The following KY variants were observed in gnomAD, a reference collection of about 807,000 sequenced individuals.
KY encodes kyphoscoliosis peptidase.
KY carries 43 observed loss-of-function variants against 76.1 expected under a neutral mutation model. The ratio of observed to expected loss-of-function variants is 0.57; its 90% CI spans 0.44 to 0.73. The LOEUF (loss-of-function observed/expected upper bound fraction) is 0.73. Ranked by LOEUF, KY falls within the 30% of genes least tolerant of loss-of-function variation. The pLI, the probability that KY is intolerant of heterozygous loss-of-function variation, is 0.00. For missense variants in KY, 722 were observed against 828.9 expected (o/e 0.87, Z 1.58); for synonymous variants, 277 against 326.2 (o/e 0.85, Z 1.63).
Position 134,632,994 on chromosome 3 carries a change from A to T in KY, c.263-3299T>A, listed in dbSNP as rs140458552. ...GGAATGCTACAAAACTTCTGTGCAC[A>T]TAAATTCTACAACTTAGATGAAATG... On this transcript the variant is annotated intron_variant, in intron 3 of 10. Coordinates refer to ENST00000423778, the MANE Select transcript of KY (RefSeq NM_178554.6). Among the ~76,000 whole-genome samples, 44 of 152,160 alleles carry T rather than the reference A, an allele frequency of 2.9e-4. 1 individual carries two copies. The highest frequency in any genetic ancestry group is 1.0e-3 in the African/African-American group (43 of 41,570).
chr3:134,626,684 C>T (rs1963497449), intron 5 of KY, among the ~76,000 whole-genome samples: 2 of 152,200 alleles, frequency 1.3e-5, no homozygotes, highest in South Asian at 4.1e-4. Flanking sequence ...CTGGCTCCAG[C>T]CCCTTCATGA....
At chr3:134,643,172 A>G in intron 3 of KY, 144 bp downstream of exon 3, 1 of 666,530 alleles carries the variant, frequency 1.5e-6, no homozygotes, top group Admixed American at 2.9e-5. Context: ...CAGGGAGAGG[A>G]AAAGGGTTTT....
chr3:134,647,765 TTTCCAC>T lies in KY; in HGVS notation c.137-274_137-269del, dbSNP rs150372153. 8.3e-3 allele frequency among the ~76,000 whole-genome samples: 1,266 copies of T among 152,322 alleles called. 17 individuals are homozygous for T. The highest frequency in any genetic ancestry group is 0.029 in the African/African-American group (1,206 of 41,566). ...GAATTTTTGTAGTACAGATGCCCAT[TTTCCAC>T]TTCCACCTCTCCACTGCATACATAT... On this transcript the variant is annotated intron_variant, in intron 1 of 10. Coordinates refer to ENST00000423778, the MANE Select transcript of KY (RefSeq NM_178554.6).
intron 3 of KY, among the ~76,000 whole-genome samples, chr3:134,637,892 A>G (rs1266311335): frequency 1.3e-5 from 2 of 152,342 alleles, no homozygotes. Flanking sequence ...AGGTGGGCTC[A>G]TGTTCGGAGC....
intron 3 of KY, among the ~76,000 whole-genome samples, chr3:134,634,230 G>T (rs925213129): frequency 6.6e-6 from 1 of 152,054 alleles, no homozygotes; most frequent in Non-Finnish European, 1.5e-5. Context: ...CAAACATTTT[G>T]GGGGAATTGT....
At chr3:134,629,824 G>T in intron 3 of KY, 129 bp from the exon 4 acceptor site, 1 of 635,700 alleles carries the variant, frequency 1.6e-6, no homozygotes, top group South Asian at 1.9e-5. Context: ...AATCATCCTT[G>T]TTTTTTTCTT....
intron 3 of KY, among the ~76,000 whole-genome samples, chr3:134,640,900 C>A (rs561899477): frequency 6.6e-6 from 1 of 152,176 alleles, no homozygotes; most frequent in Non-Finnish European, 1.5e-5. Flanking sequence ...TTATTCTCTA[C>A]GCATTGGATG....
At position 134,629,660 on chromosome 3, in the gene KY, C is replaced by T. The variant is rs780061863; in HGVS notation, c.298G>A (p.Ala100Thr). ...AACTTCTTGAGCAGCTGGGGCATGG[C>T]ATCTCGAGGGTGGACTTCCACAGTC... ...QLTVEVHPRD[A>T]MPQLLKKFSL... Residue 100 changes from alanine to threonine, a missense_variant, in exon 4 of 11, where the codon GCC becomes ACC. Around this residue, in one of 2 missense-constraint regions of KY, gnomAD observed 170 missense variants for 148.1 expected, o/e 1.15. Transcript: ENST00000423778. The T allele has an allele frequency of 2.5e-6, 4 of 1,600,784 alleles. No homozygotes were observed. The highest frequency in any genetic ancestry group is 2.2e-5 in the East Asian group (1 of 44,492).
intron 3 of KY, among the ~76,000 whole-genome samples, chr3:134,633,516 T>A (rs1275666798): frequency 6.6e-6 from 1 of 152,106 alleles, no homozygotes. Flanking sequence ...GGATCACACC[T>A]ATTGGTGTAG....
chr3:134,622,545 G>A (rs1419456272), intron 6 of KY, among the ~76,000 whole-genome samples: 1 of 152,176 alleles, frequency 6.6e-6, no homozygotes, highest in Non-Finnish European at 1.5e-5. Context: ...GAGATTACCA[G>A]GGGCTGGGGG....
intron 2 of KY, among the ~76,000 whole-genome samples, chr3:134,646,203 G>A (rs1560146476): frequency 1.3e-5 from 2 of 152,172 alleles, no homozygotes; most frequent in Admixed American, 6.5e-5. Context: ...AGTTTTGTTA[G>A]CTTTGGCGTC....
chr3:134,604,899 G>C (rs550683544), intron 10 of KY, among the ~76,000 whole-genome samples: 14 of 152,266 alleles, frequency 9.2e-5, no homozygotes, highest in African/African-American at 3.4e-4. Context: ...TGTAGCATCT[G>C]TCTAAGTGTC....
intron 3 of KY, among the ~76,000 whole-genome samples, chr3:134,632,486 T>G (rs568291056): frequency 6.6e-6 from 1 of 151,930 alleles, no homozygotes; most frequent in Admixed American, 6.6e-5. Flanking sequence ...TATTAAAAAT[T>G]AACATACTTT....
At position 134,650,822 on chromosome 3, in the gene KY, T is replaced by C; in HGVS notation, c.136+3A>G. The C allele has an allele frequency of 6.3e-7, 1 of 1,581,890 alleles. No homozygotes were observed. The highest frequency in any genetic ancestry group is 8.6e-7 in the Non-Finnish European group (1 of 1,161,972). On this transcript the variant is annotated splice_donor_region_variant and intron_variant, in intron 1 of 10. Transcript: ENST00000423778. ...CCGGGGACCCGGGTCGGGCGCGCGT[T>C]ACCTCCTCCGCGCTGCAGCAGCGAG...
intron 3 of KY, among the ~76,000 whole-genome samples, chr3:134,639,063 C>CTTTT (rs1965370964): frequency 8.2e-6 from 1 of 121,322 alleles, no homozygotes. Flanking sequence ...TTTTTTTCTA[C>CTTTT]TTTGGAGTTT....
intron 3 of KY, among the ~76,000 whole-genome samples, chr3:134,641,706 AC>A (rs1965785638): frequency 6.6e-6 from 1 of 152,136 alleles, no homozygotes; most frequent in Non-Finnish European, 1.5e-5. Context: ...AAATGAATAT[AC>A]AACCCCGCAC....
intron 3 of KY, among the ~76,000 whole-genome samples, chr3:134,637,174 A>C (rs887814158): frequency 1.3e-5 from 2 of 152,248 alleles, no homozygotes; most frequent in East Asian, 1.9e-4. Flanking sequence ...TGTTGAGAGA[A>C]AATCAGCCTT....
At position 134,603,692 on chromosome 3, in the gene KY, A is replaced by AGTAGCCCTCGTGGTTCAGG. The variant is rs1177589834; in HGVS notation, c.1854_1872dup (p.Trp625ProfsTer79). 2 of 1,613,926 alleles carry AGTAGCCCTCGTGGTTCAGG rather than the reference A, an allele frequency of 1.2e-6. No homozygotes were observed. Among genetic ancestry groups the AGTAGCCCTCGTGGTTCAGG allele is most frequent in the Non-Finnish European group, 1.7e-6 (2 of 1,179,846 alleles). On this transcript the variant is annotated frameshift_variant, in exon 11 of 11. Transcript: ENST00000423778. LOFTEE classifies it high-confidence loss of function. ...CCAGCTGTGCTGCAGCTTCCCTCCC[A>AGTAGCCCTCGTGGTTCAGG]GTAGCCCTCGTGGTTCAGGGTCAGG...
rs1018741393 is a variant in KY at position 134,601,828 on chromosome 3, C to A, written c.*1751G>T. Among the ~76,000 whole-genome samples, 1 of 152,212 alleles carries A rather than the reference C, an allele frequency of 6.6e-6. No homozygotes were observed. The highest frequency in any genetic ancestry group is 1.5e-5 in the Non-Finnish European group (1 of 68,032). ...CAGTGGGGACTTTTAGGGGAGGGAT[C>A]CCGGGGGATAATGAACAGAAGTGTC... On this transcript the variant is annotated 3_prime_UTR_variant, in exon 11 of 11. Coordinates refer to ENST00000423778, the MANE Select transcript of KY (RefSeq NM_178554.6).
Sources: gnomAD v4.1 joint callset for allele counts (sites outside exome capture counted in the v4.1 genomes callset) on GRCh38, gnomAD v4.1.1 for gene constraint, gnomAD v4.1.1 regional missense constraint, MANE v1.5 for transcripts, NCBI Gene and HGNC (gene_info 2026-07-23, HGNC 2026-07-21) for gene names.